The following VNN1 variants were observed in gnomAD, a reference collection of about 807,000 sequenced individuals.
The protein encoded by VNN1 is vanin 1, also known as pantetheinase.
Under a neutral mutation model 41.9 loss-of-function variants are expected in VNN1, and 29 were observed. The observed-to-expected ratio is 0.69, with a 90% CI of 0.52 to 0.94. VNN1 has a LOEUF of 0.94. Ranked by LOEUF, VNN1 falls within the 40% of genes least tolerant of loss-of-function variation. The pLI is 0.00. For synonymous variants in VNN1, 233 were observed against 224.4 expected (o/e 1.04, Z -0.34); for missense variants, 637 against 621.1 (o/e 1.03, Z -0.27).
At chr6:132,688,112 T>C (rs1178172394) in intron 5 of VNN1, among the ~76,000 whole-genome samples, 1 of 152,062 alleles carries the variant, frequency 6.6e-6, no homozygotes, top group Non-Finnish European at 1.5e-5. Flanking sequence ...ATTATAAATA[T>C]AATATTATAC....
intron 2 of VNN1, among the ~76,000 whole-genome samples, chr6:132,695,713 T>C (rs780837968): frequency 7.2e-5 from 11 of 152,150 alleles, no homozygotes; most frequent in Non-Finnish European, 1.6e-4. Context: ...GAATAAGCAA[T>C]TAAATATACA....
At chr6:132,704,592 G>T (rs558872651) in intron 2 of VNN1, among the ~76,000 whole-genome samples, 2 of 152,070 alleles carry the variant, frequency 1.3e-5, no homozygotes, top group South Asian at 4.1e-4. Flanking sequence ...AGCTATAAGT[G>T]CCTACACTAA....
chr6:132,697,856 A>G (rs1229314168), intron 2 of VNN1, among the ~76,000 whole-genome samples: 2 of 152,232 alleles, frequency 1.3e-5, no homozygotes, highest in Non-Finnish European at 1.5e-5. Flanking sequence ...TCTGAAATGC[A>G]TAGATATAAA....
chr6:132,704,547 G>T (rs1347823715), intron 2 of VNN1, among the ~76,000 whole-genome samples: 2 of 151,822 alleles, frequency 1.3e-5, no homozygotes, highest in African/African-American at 4.8e-5. Context: ...AAAACTTATG[G>T]GATACAGCAA....
Position 132,713,871 on chromosome 6 carries a change from C to T in VNN1, c.165G>A (p.Arg55=). Residue 55 remains arginine (R), a synonymous_variant, in exon 1 of 7, where the codon CGG becomes CGA. Transcript: ENST00000367928. ...TCGCTCCTTCCAAAATGTCCAGATTCCGATTCATTAATGCCAAAGCCTCCT... is the reference window on the plus strand; with the variant it reads ...TCGCTCCTTCCAAAATGTCCAGATTTCGATTCATTAATGCCAAAGCCTCCT... The part of the protein sequence containing the change: ...SREEALALMN[R]NLDILEGAIT... 6.2e-6 allele frequency: 10 copies of T among 1,613,608 alleles called. No homozygotes were observed. Among genetic ancestry groups the T allele is most frequent in the Non-Finnish European group, 5.9e-6 (7 of 1,180,034 alleles).
rs145102136 is a variant in VNN1 at position 132,693,118 on chromosome 6, A to G, written c.732T>C (p.His244=). ...FPTAWMNVLP[H]LSAVEFHSAW... ...CTGAGTGGAATTCAACAGCTGACAAATGTGGCAAAACATTCATCCAAGCTG... is the reference window on the plus strand; with the variant it reads ...CTGAGTGGAATTCAACAGCTGACAAGTGTGGCAAAACATTCATCCAAGCTG... The change falls in exon 4 of 7, where the codon CAT becomes CAC. Residue 244 remains histidine (H), a synonymous_variant. Coordinates refer to ENST00000367928, the MANE Select transcript of VNN1 (RefSeq NM_004666.3). 1.5e-5 allele frequency: 24 copies of G among 1,614,038 alleles called. No individual in the cohort carries two copies. The highest frequency in any genetic ancestry group is 3.3e-4 in the Middle Eastern group (2 of 6,082).
intron 2 of VNN1, among the ~76,000 whole-genome samples, chr6:132,711,365 A>G (rs530597812): frequency 1.3e-5 from 2 of 152,306 alleles, no homozygotes; most frequent in Non-Finnish European, 2.9e-5. Context: ...AGAAAGGAAA[A>G]CTATTAATCT....
chr6:132,712,388 G>A (rs1024516439), intron 1 of VNN1, among the ~76,000 whole-genome samples: 1 of 152,044 alleles, frequency 6.6e-6, no homozygotes, highest in African/African-American at 2.4e-5. Context: ...AACCTCAGGT[G>A]ATCCGCCTGC....
rs1405574036 is a variant in VNN1, at chr6:132,682,706, G to A, written c.*434C>T. 1.3e-5 allele frequency: 2 copies of A among 153,032 alleles called. No individual in the cohort carries two copies. The highest frequency in any genetic ancestry group is 1.5e-5 in the Non-Finnish European group (1 of 68,696). 9.5% of individuals were successfully genotyped at this position (153,032 alleles called of 1,614,324 possible). A position where few individuals can be genotyped will look rare whatever the true frequency, so the allele number is the denominator to read the frequency against. On this transcript the variant is annotated 3_prime_UTR_variant, in exon 7 of 7. Transcript: ENST00000367928. ...TATCAACCCACAAGAGAATCAAAAT[G>A]TATTGTTTAGGTAAAAAACAAAAAG...
At chr6:132,687,157 A>G (rs966611149) in intron 5 of VNN1, among the ~76,000 whole-genome samples, 4 of 152,228 alleles carry the variant, frequency 2.6e-5, no homozygotes, top group African/African-American at 9.6e-5. Flanking sequence ...AATGAGGAAT[A>G]CACATACAAA....
intron 2 of VNN1, among the ~76,000 whole-genome samples, chr6:132,705,491 C>T (rs937539927): frequency 6.6e-6 from 1 of 152,106 alleles, no homozygotes; most frequent in Non-Finnish European, 1.5e-5. Context: ...AATAAAAACC[C>T]TCAATGACTG....
In VNN1 at chr6:132,684,346, C is replaced by T; in HGVS notation, c.1348G>A (p.Gly450Arg). Residue 450 changes from glycine (G) to arginine (R), a missense_variant, in exon 6 of 7, where the codon GGA (glycine) becomes AGA (arginine). By Grantham distance (125) the Gly-to-Arg change is moderately radical. Coordinates refer to ENST00000367928, the MANE Select transcript of VNN1 (RefSeq NM_004666.3). ...VLLSENQLAP[G>R]EFQVSTDGRL... ...TCGAAGATTCTTACCTGAAATTCTCCAGGTGCAAGCTGATTTTCACTCAGC... is the reference window on the plus strand; with the variant it reads ...TCGAAGATTCTTACCTGAAATTCTCTAGGTGCAAGCTGATTTTCACTCAGC... 1 of 1,609,128 alleles carries T rather than the reference C, an allele frequency of 6.2e-7. No homozygotes were observed. Among genetic ancestry groups the T allele is most frequent in the Non-Finnish European group, 8.5e-7 (1 of 1,177,372 alleles).
At chr6:132,685,968 G>A (rs1263129268) in intron 5 of VNN1, among the ~76,000 whole-genome samples, 1 of 151,598 alleles carries the variant, frequency 6.6e-6, no homozygotes, top group Admixed American at 6.6e-5. Context: ...CACCTTGCAA[G>A]GCCATTTTCC....
intron 3 of VNN1, 31 bp from the exon 4 acceptor site, chr6:132,693,346 A>G: frequency 1.3e-6 from 2 of 1,551,206 alleles, no homozygotes; most frequent in South Asian, 2.5e-5. Flanking sequence ...AGAGAAAAAA[A>G]TTATTTTAGG....
chr6:132,694,236 A>C, intron 2 of VNN1, 54 bp from the exon 3 acceptor site: 3 of 1,487,378 alleles, frequency 2.0e-6, no homozygotes, highest in Non-Finnish European at 2.7e-6. Flanking sequence ...CTTAACTCTC[A>C]ACAAAATCCT....
intron 1 of VNN1, among the ~76,000 whole-genome samples, chr6:132,712,572 G>C (rs1232924326): frequency 6.6e-6 from 1 of 152,148 alleles, no homozygotes; most frequent in East Asian, 1.9e-4. Flanking sequence ...CTGTGCCTGT[G>C]TCAAGACTGA....
At chr6:132,691,363 A>C (rs1032826951) in intron 5 of VNN1, among the ~76,000 whole-genome samples, 3 of 152,112 alleles carry the variant, frequency 2.0e-5, no homozygotes, top group Admixed American at 6.6e-5. Context: ...CAGACCAAGG[A>C]AGAGAAGAGA....
At chr6:132,690,109 A>G (rs1285439076) in intron 5 of VNN1, among the ~76,000 whole-genome samples, 2 of 152,192 alleles carry the variant, frequency 1.3e-5, no homozygotes, top group African/African-American at 4.8e-5. Context: ...CAGACCCTTA[A>G]TAAGACTATT....
At chr6:132,685,832 G>T (rs1320526150) in intron 5 of VNN1, among the ~76,000 whole-genome samples, 1 of 152,152 alleles carries the variant, frequency 6.6e-6, no homozygotes, top group Admixed American at 6.5e-5. Flanking sequence ...AGTAAATAAC[G>T]GAGAATGTTT....
Sources: allele counts gnomAD v4.1 joint callset (sites outside exome capture counted in the v4.1 genomes callset), GRCh38; gene constraint gnomAD v4.1.1; transcripts MANE v1.5; gene names NCBI Gene and HGNC (gene_info 2026-07-23, HGNC 2026-07-21).